Variants in SH3BGRL2 observed in about 807,000 individuals in gnomAD.
SH3BGRL2 encodes the protein SH3 domain binding glutamate rich protein like 2.
In SH3BGRL2, 21 loss-of-function variants were observed where a neutral mutation model predicts 14.8. That is an observed-to-expected ratio of 1.42 (90% CI 1.01 to 2.05). The LOEUF (loss-of-function observed/expected upper bound fraction) is 2.05. Among genes scored for constraint, SH3BGRL2 ranks in the 30% most tolerant of loss-of-function variants. The pLI is 0.00. For missense variants in SH3BGRL2, 147 were observed against 130.8 expected, an observed-to-expected ratio of 1.12 and a Z score of -0.61; for synonymous variants, 50 against 47.8, an observed-to-expected ratio of 1.05 and a Z score of -0.19.
Position 79,702,129 on chromosome 6 carries a change from CAAAG to C in SH3BGRL2, c.*2623_*2626del, listed in dbSNP as rs753307753. The C allele has an allele frequency of 2.0e-5, 3 of 152,458 alleles. No individual in the cohort carries two copies. The highest frequency in any genetic ancestry group is 3.9e-4 in the East Asian group (2 of 5,186). The allele number at this position is 152,458 out of a possible 1,614,324, so 9.4% of individuals were successfully genotyped here. A position where few individuals can be genotyped will look rare whatever the true frequency, so the allele number is the denominator to read the frequency against. Reference sequence around the variant, plus strand: ...CCAAATTCCGGTGTTTTATTACAATCAAAGAAGAGGAAAGCAAGGTATTTTTTCA... The same window carrying C: ...CCAAATTCCGGTGTTTTATTACAATCAAGAGGAAAGCAAGGTATTTTTTCA... On this transcript the variant is annotated 3_prime_UTR_variant, in exon 4 of 4. Transcript: ENST00000369838.
the SH3BGRL2 span, among the ~76,000 whole-genome samples, chr6:79,562,838 A>AG: frequency 6.6e-6 from 1 of 152,076 alleles, no homozygotes; most frequent in Non-Finnish European, 1.5e-5. Flanking sequence ...GCAAAAAAAA[A>AG]CTCATAATGT....
At chr6:79,597,086 C>T in the SH3BGRL2 span, among the ~76,000 whole-genome samples, 1 of 151,910 alleles carries the variant, frequency 6.6e-6, no homozygotes, top group African/African-American at 2.4e-5. Flanking sequence ...AAAAATTAGC[C>T]AAGTGTGGTG....
In SH3BGRL2 at chr6:79,657,991, G is replaced by A. The variant is rs1344750874; in HGVS notation, c.46-15623G>A. ...TAGTAGTGGATTAGATTTAATTCAA[G>A]TTAATAGGAAGAAGCATCCAGCCAC... On this transcript the variant is annotated intron_variant, in intron 1 of 3. Coordinates refer to ENST00000369838, the MANE Select transcript of SH3BGRL2 (RefSeq NM_031469.4). Among the ~76,000 whole-genome samples the A allele has an allele frequency of 2.6e-5, 4 of 152,112 alleles. No homozygotes were observed. The East Asian group carries it at 5.8e-4, about 22-fold the overall frequency.
chr6:79,670,615 T>G (rs1769753556), intron 1 of SH3BGRL2, among the ~76,000 whole-genome samples: 1 of 152,210 alleles, frequency 6.6e-6, no homozygotes, highest in Non-Finnish European at 1.5e-5. Context: ...AAGAATTGCA[T>G]TTGGGTGCAA....
chr6:79,633,685 T>G (rs1314037360), intron 1 of SH3BGRL2, among the ~76,000 whole-genome samples: 1 of 152,210 alleles, frequency 6.6e-6, no homozygotes, highest in African/African-American at 2.4e-5. Flanking sequence ...CCTTGTTTGT[T>G]CAGTCTCCTC....
At chr6:79,597,360 G>A in the SH3BGRL2 span, among the ~76,000 whole-genome samples, 10 of 150,732 alleles carry the variant, frequency 6.6e-5, no homozygotes, top group African/African-American at 2.0e-4. Flanking sequence ...GAGGAAGGAT[G>A]GAAGGAAGGG....
At chr6:79,676,837 C>T (rs1394851636) in intron 2 of SH3BGRL2, among the ~76,000 whole-genome samples, 1 of 151,878 alleles carries the variant, frequency 6.6e-6, no homozygotes, top group East Asian at 1.9e-4. Flanking sequence ...CTCTTTATGA[C>T]GTCTAGCTGT....
chr6:79,603,149 A>G, the SH3BGRL2 span, among the ~76,000 whole-genome samples: 6 of 152,172 alleles, frequency 3.9e-5, no homozygotes, highest in African/African-American at 1.4e-4. Context: ...ACCAGCTAAA[A>G]GTTAAAATGG....
the SH3BGRL2 span, among the ~76,000 whole-genome samples, chr6:79,596,822 A>G: frequency 6.6e-6 from 1 of 152,228 alleles, no homozygotes; most frequent in Non-Finnish European, 1.5e-5. Context: ...TAGTCAGAAC[A>G]ATCTTGTAAA....
At chr6:79,614,333 G>A in the SH3BGRL2 span, among the ~76,000 whole-genome samples, 1 of 152,126 alleles carries the variant, frequency 6.6e-6, no homozygotes, top group Admixed American at 6.5e-5. Context: ...CAAACCCATG[G>A]AAGTGGACAC....
intron 1 of SH3BGRL2, among the ~76,000 whole-genome samples, chr6:79,672,328 A>G (rs1461701790): frequency 1.1e-4 from 17 of 152,234 alleles, no homozygotes; most frequent in Admixed American, 1.0e-3. Flanking sequence ...GCCCTTGGAT[A>G]AGCACTTCTG....
the SH3BGRL2 span, among the ~76,000 whole-genome samples, chr6:79,608,696 A>G: frequency 6.6e-6 from 1 of 152,170 alleles, no homozygotes; most frequent in Non-Finnish European, 1.5e-5. Flanking sequence ...TTTTTGTTGC[A>G]TGTTTTTCAG....
At chr6:79,653,599 C>T (rs1769347115) in intron 1 of SH3BGRL2, among the ~76,000 whole-genome samples, 1 of 152,114 alleles carries the variant, frequency 6.6e-6, no homozygotes, top group African/African-American at 2.4e-5. Context: ...TTTACATTTT[C>T]TGTAAATAGA....
At chr6:79,603,216 A>C in the SH3BGRL2 span, among the ~76,000 whole-genome samples, 20 of 152,276 alleles carry the variant, frequency 1.3e-4, no homozygotes, top group Non-Finnish European at 2.5e-4. Flanking sequence ...CTCTAAGTAA[A>C]AATAAAACAC....
At chr6:79,621,803 C>CAGA in the SH3BGRL2 span, among the ~76,000 whole-genome samples, 1 of 152,128 alleles carries the variant, frequency 6.6e-6, no homozygotes, top group Non-Finnish European at 1.5e-5. Flanking sequence ...CCATGTGACC[C>CAGA]AGATCTGACC....
At chr6:79,569,707 G>C in the SH3BGRL2 span, among the ~76,000 whole-genome samples, 5 of 152,068 alleles carry the variant, frequency 3.3e-5, no homozygotes, top group Admixed American at 2.6e-4. Flanking sequence ...CTTGGGTCAG[G>C]GGGGTGCTTA....
intron 2 of SH3BGRL2, 50 bp downstream of exon 2, chr6:79,673,849 C>G: frequency 6.4e-7 from 1 of 1,564,056 alleles, no homozygotes; most frequent in South Asian, 1.2e-5. Context: ...GTTCAGAACA[C>G]ATGCCACCTA....
chr6:79,648,545 T>C (rs1482328685), intron 1 of SH3BGRL2, among the ~76,000 whole-genome samples: 1 of 151,682 alleles, frequency 6.6e-6, no homozygotes, highest in Non-Finnish European at 1.5e-5. Context: ...TGAGAGATTT[T>C]TTCTTCCACC....
In SH3BGRL2 at chr6:79,684,319, C is replaced by A. The variant is rs926174682; in HGVS notation, c.231+10520C>A. On this transcript the variant is annotated intron_variant, in intron 2 of 3. Coordinates refer to ENST00000369838, the MANE Select transcript of SH3BGRL2 (RefSeq NM_031469.4). ...TAATTAACTAGGACTCTGGTTATTA[C>A]TTCTTCTCCCTCATGCCCAGCAAAC... 1.5e-4 allele frequency among the ~76,000 whole-genome samples: 23 copies of A among 152,150 alleles called. 1 individual carries two copies. The highest frequency in any genetic ancestry group is 5.5e-4 in the African/African-American group (23 of 41,518).
Sources: allele counts gnomAD v4.1 joint callset (sites outside exome capture counted in the v4.1 genomes callset), GRCh38; gene constraint gnomAD v4.1.1; transcripts MANE v1.5; gene names NCBI Gene and HGNC (gene_info 2026-07-23, HGNC 2026-07-21).